FOXP2: variants seen among roughly 807,000 people sequenced by gnomAD.
FOXP2 encodes forkhead box P2, also known as forkhead box protein P2.
FOXP2 carries 12 observed loss-of-function variants against 115.8 expected under a neutral mutation model. The observed-to-expected ratio is 0.10, with a 90% CI of 0.07 to 0.17. The LOEUF is 0.17. FOXP2 is among the 10% of genes least tolerant of loss of function. FOXP2 has a pLI of 1.00. For missense variants in FOXP2, 629 were observed against 843.5 expected (o/e 0.75, Z 3.15); for synonymous variants, 328 against 297.7 (o/e 1.10, Z -1.05).
chr7:114,242,679 C>G (rs1338244912), intron 1 of FOXP2, among the ~76,000 whole-genome samples: 2 of 152,142 alleles, frequency 1.3e-5, no homozygotes, highest in African/African-American at 4.8e-5. Context: ...AAGTTTCTCA[C>G]TAGAACGTTT....
chr7:114,673,890 C>T (rs181938260), intron 16 of FOXP2, among the ~76,000 whole-genome samples: 256 of 152,218 alleles, frequency 1.7e-3, no homozygotes, highest in African/African-American at 5.7e-3. Flanking sequence ...TTAGTAGAGA[C>T]GGGGTTTCAC....
chr7:114,691,943 G>GAAAAAAAAAAAAA lies in FOXP2; in HGVS notation c.*2018_*2030dup. On this transcript the variant is annotated 3_prime_UTR_variant, in exon 17 of 17. Coordinates refer to ENST00000350908, the MANE Select transcript of FOXP2 (RefSeq NM_014491.4). Reference sequence around the variant, plus strand: ...TTCTACCTCTGCAAAAAAAAAAAAAGAAAAAAAAAAAAAGAAAAACATTAG... The same window carrying GAAAAAAAAAAAAA: ...TTCTACCTCTGCAAAAAAAAAAAAAGAAAAAAAAAAAAAAAAAAAAAAAAAAGAAAAACATTAG... The GAAAAAAAAAAAAA allele has an allele frequency of 5.5e-6, 2 of 364,118 alleles. No homozygotes were observed. Among genetic ancestry groups the GAAAAAAAAAAAAA allele is most frequent in the African/African-American group, 5.4e-5 (2 of 37,372 alleles). 22.6% of individuals were successfully genotyped at this position (364,118 alleles called of 1,614,324 possible).
chr7:114,203,297 T>G (rs796382737), intron 1 of FOXP2, among the ~76,000 whole-genome samples: 90 of 152,144 alleles, frequency 5.9e-4, no homozygotes, highest in African/African-American at 1.9e-3. Flanking sequence ...CAGTGAGAGG[T>G]GTTTGCTTAA....
intron 2 of FOXP2, among the ~76,000 whole-genome samples, chr7:114,520,074 C>A (rs1031818750): frequency 5.3e-5 from 8 of 152,074 alleles, no homozygotes; most frequent in African/African-American, 1.9e-4. Context: ...TTAGAAGAAA[C>A]TTTAGCATAC....
At chr7:114,640,445 G>A (rs779769283) in intron 6 of FOXP2, among the ~76,000 whole-genome samples, 1 of 152,100 alleles carries the variant, frequency 6.6e-6, no homozygotes, top group Non-Finnish European at 1.5e-5. Context: ...CTACCTGTAC[G>A]AAATTGTGAT....
intron 3 of FOXP2, among the ~76,000 whole-genome samples, chr7:114,613,510 C>A (rs950887159): frequency 6.6e-6 from 1 of 151,828 alleles, no homozygotes; most frequent in Non-Finnish European, 1.5e-5. Flanking sequence ...CCCGTCTCTA[C>A]TAAAAATACA....
intron 3 of FOXP2, among the ~76,000 whole-genome samples, chr7:114,623,829 A>T (rs149184201): frequency 1.3e-5 from 2 of 151,976 alleles, no homozygotes; most frequent in East Asian, 3.9e-4. Flanking sequence ...TGTGTCTGTT[A>T]TTGCACTGTG....
At chr7:114,328,398 G>A (rs570887445) in intron 2 of FOXP2, among the ~76,000 whole-genome samples, 36 of 151,812 alleles carry the variant, frequency 2.4e-4, no homozygotes, top group Middle Eastern at 3.4e-3. Flanking sequence ...CACCACGCCC[G>A]GCAAATTTTT....
chr7:114,203,036 C>A (rs1250913359), intron 1 of FOXP2, among the ~76,000 whole-genome samples: 1 of 152,174 alleles, frequency 6.6e-6, no homozygotes, highest in Non-Finnish European at 1.5e-5. Flanking sequence ...AGACATGATG[C>A]CTCCAAACCT....
chr7:114,469,423 G>T (rs1795948741), intron 2 of FOXP2, among the ~76,000 whole-genome samples: 1 of 152,098 alleles, frequency 6.6e-6, no homozygotes, highest in Non-Finnish European at 1.5e-5. Context: ...CCTTATTCTT[G>T]ACTTTGTGGT....
chr7:114,202,277 CTGTA>C (rs1041729745), intron 1 of FOXP2, among the ~76,000 whole-genome samples: 9 of 152,298 alleles, frequency 5.9e-5, no homozygotes, highest in African/African-American at 1.7e-4. Context: ...TACATCCTCT[CTGTA>C]TGTTCCTGTA....
chr7:114,240,416 A>T (rs924828282), intron 1 of FOXP2, among the ~76,000 whole-genome samples: 1 of 152,146 alleles, frequency 6.6e-6, no homozygotes, highest in African/African-American at 2.4e-5. Flanking sequence ...AGAACAATAA[A>T]TTCACAAAAT....
intron 1 of FOXP2, among the ~76,000 whole-genome samples, chr7:114,252,401 G>A (rs570105864): frequency 3.9e-5 from 6 of 152,006 alleles, no homozygotes; most frequent in Admixed American, 2.0e-4. Flanking sequence ...GGTGGAATTC[G>A]GCTGTGAATC....
At chr7:114,324,449 T>C (rs1797506065) in intron 2 of FOXP2, among the ~76,000 whole-genome samples, 1 of 151,902 alleles carries the variant, frequency 6.6e-6, no homozygotes, top group African/African-American at 2.4e-5. Flanking sequence ...TCAAGGAAAT[T>C]TGTGTTTATA....
chr7:114,227,160 A>G (rs2129165077), intron 1 of FOXP2, among the ~76,000 whole-genome samples: 1 of 152,196 alleles, frequency 6.6e-6, no homozygotes, highest in East Asian at 1.9e-4. Context: ...ATTTCCTGGA[A>G]TGTTACTGTA....
At chr7:114,600,525 A>ATT (rs2129313282) in intron 3 of FOXP2, among the ~76,000 whole-genome samples, 1 of 152,316 alleles carries the variant, frequency 6.6e-6, no homozygotes, top group Admixed American at 6.5e-5. Flanking sequence ...ACCTGGATAA[A>ATT]TATGTGAGAG....
chr7:114,217,674 A>G (rs896936604), intron 1 of FOXP2, among the ~76,000 whole-genome samples: 1 of 152,202 alleles, frequency 6.6e-6, no homozygotes, highest in African/African-American at 2.4e-5. Context: ...TGCCACTGGA[A>G]TCAGAGTAAT....
chr7:114,364,926 G>A (rs1791842436), intron 2 of FOXP2, among the ~76,000 whole-genome samples: 1 of 152,126 alleles, frequency 6.6e-6, no homozygotes, highest in Admixed American at 6.6e-5. Flanking sequence ...GGAAGTCTGT[G>A]TGCTTTAACC....
At chr7:114,656,105 A>G (rs1222429713) in intron 10 of FOXP2, among the ~76,000 whole-genome samples, 5 of 152,202 alleles carry the variant, frequency 3.3e-5, no homozygotes, top group Admixed American at 1.3e-4. Context: ...TTACCGTAAC[A>G]TTGTAAACAT....
Sources: allele counts gnomAD v4.1 joint callset (sites outside exome capture counted in the v4.1 genomes callset), GRCh38; gene constraint gnomAD v4.1.1; transcripts MANE v1.5; gene names NCBI Gene and HGNC (gene_info 2026-07-23, HGNC 2026-07-21).